PIGK: variants seen among roughly 807,000 people sequenced by gnomAD.
PIGK encodes the protein GPI-anchor transamidase.
PIGK carries 42 observed loss-of-function variants against 50.6 expected under a neutral mutation model. That is an observed-to-expected ratio of 0.83 (90% confidence interval 0.65 to 1.07). The LOEUF (loss-of-function observed/expected upper bound fraction) is 1.07. PIGK is among the 50% of genes least tolerant of loss of function. The pLI, the probability that PIGK is intolerant of heterozygous loss-of-function variation, is 0.00. For missense variants in PIGK, 448 were observed against 488.7 expected (o/e 0.92, Z 0.78); for synonymous variants, 151 against 156.0 (o/e 0.97, Z 0.24).
chr1:77,159,262 G>A (rs1178902654), intron 8 of PIGK, among the ~76,000 whole-genome samples: 1 of 152,130 alleles, frequency 6.6e-6, no homozygotes, highest in African/African-American at 2.4e-5. Flanking sequence ...CAAGAACTCA[G>A]GTTTAAGAAC....
intron 9 of PIGK, among the ~76,000 whole-genome samples, chr1:77,136,336 C>G (rs1489104863): frequency 1.3e-5 from 2 of 151,446 alleles, no homozygotes; most frequent in African/African-American, 2.4e-5. Flanking sequence ...GAGACCATCC[C>G]GGCTAAAACG....
intron 10 of PIGK, among the ~76,000 whole-genome samples, chr1:77,117,459 C>T (rs575691984): frequency 2.0e-4 from 30 of 152,284 alleles, no homozygotes; most frequent in Non-Finnish European, 3.7e-4. Flanking sequence ...GGAGGAATTC[C>T]TCAATCTTCT....
chr1:77,146,010 G>A (rs1474108981), intron 9 of PIGK, among the ~76,000 whole-genome samples: 1 of 151,996 alleles, frequency 6.6e-6, no homozygotes, highest in Non-Finnish European at 1.5e-5. Flanking sequence ...ACTGTAAATT[G>A]AAAATGAATT....
chr1:77,119,025 C>A (rs1654038462), intron 10 of PIGK, among the ~76,000 whole-genome samples: 1 of 152,186 alleles, frequency 6.6e-6, no homozygotes, highest in Non-Finnish European at 1.5e-5. Context: ...ATGTGTTCCA[C>A]TGATCCTCTT....
intron 1 of PIGK, among the ~76,000 whole-genome samples, chr1:77,211,623 CT>C (rs2100588982): frequency 6.6e-6 from 1 of 152,076 alleles, no homozygotes; most frequent in South Asian, 2.1e-4. Context: ...AAAATTATCA[CT>C]CTTTGAACTT....
At chr1:77,112,422 G>A (rs1389799121) in intron 10 of PIGK, among the ~76,000 whole-genome samples, 1 of 152,186 alleles carries the variant, frequency 6.6e-6, no homozygotes, top group African/African-American at 2.4e-5. Flanking sequence ...GTATTTATAT[G>A]AGAAGAGATC....
intron 9 of PIGK, among the ~76,000 whole-genome samples, chr1:77,139,486 C>T (rs766068565): frequency 5.9e-5 from 9 of 152,156 alleles, no homozygotes; most frequent in Non-Finnish European, 8.8e-5. Context: ...CATAGACACT[C>T]CCGCTTTTTA....
intron 1 of PIGK, among the ~76,000 whole-genome samples, chr1:77,212,942 T>A (rs1354280869): frequency 6.6e-6 from 1 of 152,202 alleles, no homozygotes; most frequent in Non-Finnish European, 1.5e-5. Context: ...ATTTTATTTT[T>A]GAGATGGAGT....
chr1:77,189,742 TATATATACACACAC>T (rs1158317425), intron 3 of PIGK, among the ~76,000 whole-genome samples: 3 of 35,158 alleles, frequency 8.5e-5, no homozygotes, highest in African/African-American at 4.8e-4. Flanking sequence ...TATATATATA[TATATATACACACAC>T]ACACACACAC....
chr1:77,147,868 T>C (rs1192254473), intron 9 of PIGK, among the ~76,000 whole-genome samples: 1 of 152,262 alleles, frequency 6.6e-6, no homozygotes, highest in East Asian at 1.9e-4. Flanking sequence ...TAACTTTATC[T>C]TACTTAACAT....
chr1:77,183,730 T>C (rs1253217), intron 3 of PIGK, among the ~76,000 whole-genome samples: 91,052 of 152,014 alleles, frequency 0.6, 29,797 homozygotes, highest in Non-Finnish European at 0.74. Flanking sequence ...GGGGGAGTTC[T>C]AATCGTTTAT....
At chr1:77,195,983 C>G (rs1656026433) in intron 3 of PIGK, among the ~76,000 whole-genome samples, 1 of 152,096 alleles carries the variant, frequency 6.6e-6, no homozygotes, top group African/African-American at 2.4e-5. Context: ...TGCCATTCCC[C>G]CCAACTCTAG....
intron 8 of PIGK, among the ~76,000 whole-genome samples, chr1:77,158,933 A>T (rs1721127): frequency 0.21 from 31,667 of 152,156 alleles, 4,528 homozygotes; most frequent in African/African-American, 0.41. Context: ...AATTCAAGCC[A>T]GCTGCAGAAA....
intron 9 of PIGK, among the ~76,000 whole-genome samples, chr1:77,152,054 G>A (rs746791692): frequency 7.2e-5 from 11 of 152,016 alleles, no homozygotes; most frequent in Non-Finnish European, 1.2e-4. Context: ...AAGCAACCCT[G>A]AGCAAGAAGA....
At chr1:77,197,568 A>C (rs369606209) in intron 3 of PIGK, among the ~76,000 whole-genome samples, 2 of 152,158 alleles carry the variant, frequency 1.3e-5, no homozygotes, top group Non-Finnish European at 2.9e-5. Flanking sequence ...CAATGCAGCC[A>C]CTCATGTTCT....
At chr1:77,155,458 G>A (rs1403708918) in intron 8 of PIGK, among the ~76,000 whole-genome samples, 1 of 152,070 alleles carries the variant, frequency 6.6e-6, no homozygotes, top group Non-Finnish European at 1.5e-5. Context: ...GATAAGACAT[G>A]GTCCTGTCCT....
intron 3 of PIGK, among the ~76,000 whole-genome samples, chr1:77,185,729 G>A (rs2100572128): frequency 6.6e-6 from 1 of 152,304 alleles, no homozygotes; most frequent in African/African-American, 2.4e-5. Flanking sequence ...CTGCCACATG[G>A]GCCATATGAC....
At chr1:77,177,990 T>G (rs1655525655) in intron 3 of PIGK, among the ~76,000 whole-genome samples, 1 of 152,168 alleles carries the variant, frequency 6.6e-6, no homozygotes, top group African/African-American at 2.4e-5. Flanking sequence ...AGATCACGAA[T>G]CAAGACTTCT....
At chr1:77,177,148 T>A (rs1655505311) in intron 3 of PIGK, among the ~76,000 whole-genome samples, 1 of 152,246 alleles carries the variant, frequency 6.6e-6, no homozygotes, top group Non-Finnish European at 1.5e-5. Flanking sequence ...GACGTTATAA[T>A]GTAGACTATT....
Sources: gnomAD v4.1 joint callset for allele counts (sites outside exome capture counted in the v4.1 genomes callset) on GRCh38, gnomAD v4.1.1 for gene constraint, MANE v1.5 for transcripts, NCBI Gene and HGNC (gene_info 2026-07-23, HGNC 2026-07-21) for gene names.